SYK: variants seen among roughly 807,000 people sequenced by gnomAD.
The protein encoded by SYK is spleen associated tyrosine kinase, also known as tyrosine-protein kinase SYK.
SYK carries 16 observed loss-of-function variants against 77.8 expected under a neutral mutation model. The ratio of observed to expected loss-of-function variants is 0.21; its 90% CI spans 0.14 to 0.31. SYK has a LOEUF of 0.31. SYK is among the 10% of genes least tolerant of loss of function. The probability of loss-of-function intolerance (pLI) is 1.00; values close to 1 mark genes in which losing one functional copy is unlikely to be tolerated. For synonymous variants in SYK, 312 were observed against 308.7 expected, an observed-to-expected ratio of 1.01 and a Z score of -0.11; for missense variants, 529 against 814.4, an observed-to-expected ratio of 0.65 and a Z score of 4.26.
At chr9:90,866,950 G>T (rs1238784730) in intron 6 of SYK, among the ~76,000 whole-genome samples, 181 bp from the exon 7 acceptor site, 1 of 152,156 alleles carries the variant, frequency 6.6e-6, no homozygotes, top group Non-Finnish European at 1.5e-5. Context: ...TTCCCAAGTG[G>T]CAGGCCCTTC....
chr9:90,810,296 C>T (rs564463841), intron 1 of SYK, among the ~76,000 whole-genome samples: 31 of 152,234 alleles, frequency 2.0e-4, no homozygotes, highest in African/African-American at 6.7e-4. Context: ...TGTGGGTGAC[C>T]ATCTCCAGCT....
rs564289041 is a variant in SYK, at chr9:90,874,894, G to T, written c.1181+45G>T. On this transcript the variant is annotated intron_variant, in intron 9 of 13. Transcript: ENST00000375754. Reference sequence around the variant, plus strand: ...CAGCCTCACCCTCACATGAGCTCAGGTTCTAGACATGACTGAGAATAACAA... The same window carrying T: ...CAGCCTCACCCTCACATGAGCTCAGTTTCTAGACATGACTGAGAATAACAA... 3 of 1,602,780 alleles carry T rather than the reference G, an allele frequency of 1.9e-6. No homozygotes were observed. The South Asian group carries it at 3.3e-5, about 18-fold the overall frequency.
intron 1 of SYK, among the ~76,000 whole-genome samples, chr9:90,805,249 C>G (rs1039232131): frequency 2.0e-5 from 3 of 152,288 alleles, no homozygotes; most frequent in Non-Finnish European, 2.9e-5. Flanking sequence ...GTACTGTGAG[C>G]TTTCTGGTCC....
At chr9:90,856,505 A>G (rs1286833010) in intron 3 of SYK, among the ~76,000 whole-genome samples, 1 of 151,204 alleles carries the variant, frequency 6.6e-6, no homozygotes. Context: ...CAGCGCACTA[A>G]TTTTTCCTTC....
chr9:90,841,167 G>T (rs977721473), intron 1 of SYK, among the ~76,000 whole-genome samples: 16 of 150,600 alleles, frequency 1.1e-4, no homozygotes, highest in African/African-American at 3.9e-4. Flanking sequence ...GGTGTGGTTT[G>T]TGTGTGTTTT....
intron 1 of SYK, among the ~76,000 whole-genome samples, chr9:90,832,219 C>G (rs1008937774): frequency 6.6e-6 from 1 of 152,010 alleles, no homozygotes; most frequent in Non-Finnish European, 1.5e-5. Flanking sequence ...TTGTGAATAA[C>G]AAGAAGCAAC....
intron 12 of SYK, 51 bp from the exon 13 acceptor site, chr9:90,888,464 G>T (rs770673755): frequency 4.3e-6 from 6 of 1,396,130 alleles, no homozygotes; most frequent in Non-Finnish European, 1.9e-6. Flanking sequence ...TGTTTTGTTT[G>T]ACTAACACCT....
chr9:90,809,004 G>T (rs150848812), intron 1 of SYK, among the ~76,000 whole-genome samples: 2 of 152,278 alleles, frequency 1.3e-5, no homozygotes, highest in African/African-American at 4.8e-5. Context: ...CCCCTTCTCT[G>T]CATTTATAGC....
At chr9:90,884,961 A>ATG (rs1210949319) in intron 11 of SYK, among the ~76,000 whole-genome samples, 9 of 93,370 alleles carry the variant, frequency 9.6e-5, no homozygotes, top group East Asian at 5.7e-4. Flanking sequence ...ACACACATAT[A>ATG]TGTGTATATA....
intron 11 of SYK, among the ~76,000 whole-genome samples, chr9:90,879,450 T>C (rs1178070617): frequency 6.6e-6 from 1 of 152,234 alleles, no homozygotes; most frequent in African/African-American, 2.4e-5. Context: ...CATGGAGCTA[T>C]TGGAGCTTGG....
In SYK at chr9:90,898,355, T is replaced by A; in HGVS notation, c.*2755T>A. ...GCTGTATGGTGATTGCACTTGGACA[T>A]CAGTCCAATGACTGCAAGTCGGCCT... On this transcript the variant is annotated 3_prime_UTR_variant, in exon 14 of 14. Coordinates refer to ENST00000375754, the MANE Select transcript of SYK (RefSeq NM_003177.7). 1 of 228,526 alleles carries A rather than the reference T, an allele frequency of 4.4e-6. No individual in the cohort carries two copies. 14.2% of individuals were successfully genotyped at this position (228,526 alleles called of 1,614,324 possible).
At chr9:90,844,411 G>C (rs1826500248) in intron 2 of SYK, 96 bp downstream of exon 2, 3 of 1,341,560 alleles carry the variant, frequency 2.2e-6, no homozygotes, top group South Asian at 1.6e-5. Flanking sequence ...TATGTGCCCT[G>C]TGTGCCCAAA....
At chr9:90,811,693 G>A (rs1331781154) in intron 1 of SYK, among the ~76,000 whole-genome samples, 1 of 151,932 alleles carries the variant, frequency 6.6e-6, no homozygotes. Context: ...CAAGGTGGGT[G>A]GATTGCTTGA....
intron 1 of SYK, among the ~76,000 whole-genome samples, chr9:90,841,091 T>C (rs1414571027): frequency 2.0e-5 from 3 of 151,830 alleles, no homozygotes; most frequent in African/African-American, 7.3e-5. Context: ...GTGTGTGGCA[T>C]GTATGTAGTT....
intron 3 of SYK, among the ~76,000 whole-genome samples, chr9:90,859,868 A>C (rs12001366): frequency 0.14 from 20,588 of 152,248 alleles, 1,976 homozygotes; most frequent in Admixed American, 0.26. Flanking sequence ...TCTCTCAGGG[A>C]AACCTGTGCT....
intron 10 of SYK, 23 bp from the exon 11 acceptor site, chr9:90,878,741 G>A (rs753588425): frequency 3.1e-6 from 5 of 1,592,486 alleles, no homozygotes; most frequent in African/African-American, 2.7e-5. Context: ...TGTTATAGCT[G>A]ATGAGATCAT....
chr9:90,835,072 G>A (rs1156364233), intron 1 of SYK, among the ~76,000 whole-genome samples: 3 of 150,898 alleles, frequency 2.0e-5, no homozygotes, highest in African/African-American at 7.3e-5. Context: ...AGATGAGACA[G>A]CCCCCGACCC....
At position 90,867,009 on chromosome 9, in the gene SYK, C is replaced by A; in HGVS notation, c.847-122C>A. 6.9e-6 allele frequency: 7 copies of A among 1,019,966 alleles called. No individual in the cohort carries two copies. The South Asian group carries it at 8.5e-5, about 12-fold the overall frequency. The allele number at this position is 1,019,966 out of a possible 1,614,324, so 63.2% of individuals were successfully genotyped here. On this transcript the variant is annotated intron_variant, in intron 6 of 13. Transcript: ENST00000375754. ...TGTTGCCCGTGGTCGATCTCATTGG[C>A]AGGGACAGGAGGGGGTTAGTGGTGC...
chr9:90,895,986 C>T lies in SYK; in HGVS notation c.*386C>T, dbSNP rs774677742. The T allele has an allele frequency of 4.1e-6, 1 of 246,864 alleles. No homozygotes were observed. Among genetic ancestry groups the T allele is most frequent in the Non-Finnish European group, 7.9e-6 (1 of 126,026 alleles). 15.3% of individuals were successfully genotyped at this position (246,864 alleles called of 1,614,324 possible). On this transcript the variant is annotated 3_prime_UTR_variant, in exon 14 of 14. Coordinates refer to ENST00000375754, the MANE Select transcript of SYK (RefSeq NM_003177.7). The surrounding 1 kb of genome is among the most constrained non-coding windows in gnomAD (Gnocchi z 4.4). ...CAGAGTGGCCTAGAGCACTCTCACC[C>T]CAAGCGGCCTTTTCCAAATGCCCAA...
Sources: gnomAD v4.1 joint callset for allele counts (sites outside exome capture counted in the v4.1 genomes callset) on GRCh38, gnomAD v4.1.1 for gene constraint, Gnocchi (gnomAD v3.1) non-coding constraint, MANE v1.5 for transcripts, NCBI Gene and HGNC (gene_info 2026-07-23, HGNC 2026-07-21) for gene names.